The following RANBP2 variants were observed in gnomAD, a reference collection of about 807,000 sequenced individuals.
RANBP2 encodes the protein E3 SUMO-protein ligase RanBP2.
RANBP2 carries 57 observed loss-of-function variants against 303.6 expected under a neutral mutation model. The observed-to-expected ratio is 0.19, with a 90% CI of 0.15 to 0.23. RANBP2 has a LOEUF of 0.23. Among genes scored for constraint, RANBP2 ranks in the 10% least tolerant of loss-of-function variants. The pLI is 1.00. For missense variants in RANBP2, 3,138 were observed against 3,780.8 expected, an observed-to-expected ratio of 0.83 and a Z score of 4.46; for synonymous variants, 1,167 against 1,301.5, an observed-to-expected ratio of 0.90 and a Z score of 2.23.
chr2:108,786,871 A>G, downstream of RANBP2: 1 of 1,579,892 alleles, frequency 6.3e-7, no homozygotes, highest in East Asian at 2.4e-5. Flanking sequence ...AGTAGTGGAG[A>G]GTCTCAAAAG....
At chr2:109,016,326 G>A in the RANBP2 span, among the ~76,000 whole-genome samples, 25 of 151,870 alleles carry the variant, frequency 1.6e-4, no homozygotes, top group East Asian at 1.6e-3. Flanking sequence ...CTGACCTCAC[G>A]TCTGCCTGCC....
the RANBP2 span, among the ~76,000 whole-genome samples, chr2:108,965,963 G>A: frequency 3.9e-5 from 6 of 151,946 alleles, no homozygotes; most frequent in Non-Finnish European, 7.4e-5. Context: ...AATTAAATTC[G>A]GTTATAAAAT....
In RANBP2 at chr2:108,772,827, T is replaced by C. The variant is rs1243412550; in HGVS notation, c.8114-41T>C. 8 of 1,596,764 alleles carry C rather than the reference T, an allele frequency of 5.0e-6. No individual in the cohort carries two copies. In the Middle Eastern group the frequency reaches 5.3e-4, roughly 105 times the overall value. On this transcript the variant is annotated intron_variant, in intron 22 of 28. Transcript: ENST00000283195. Reference sequence around the variant, plus strand: ...TACCATTGTTGTAGAGAAGTTGGGCTTCATCTAATTTCGTTTGCTTGTGTT... The same window carrying C: ...TACCATTGTTGTAGAGAAGTTGGGCCTCATCTAATTTCGTTTGCTTGTGTT...
the RANBP2 span, chr2:108,791,529 T>C: frequency 4.3e-6 from 4 of 930,262 alleles, no homozygotes; most frequent in South Asian, 5.4e-5. Context: ...TTACGTTTTT[T>C]CTTTTTACAT....
chr2:109,505,802 G>A, the RANBP2 span, among the ~76,000 whole-genome samples: 1 of 152,146 alleles, frequency 6.6e-6, no homozygotes, highest in Non-Finnish European at 1.5e-5. Context: ...CAAAAGCTGG[G>A]TGCCAAACCT....
At chr2:109,437,801 T>C in the RANBP2 span, among the ~76,000 whole-genome samples, 5 of 152,224 alleles carry the variant, frequency 3.3e-5, no homozygotes, top group African/African-American at 1.2e-4. Context: ...ATAAAGAAGG[T>C]AAGCACATCT....
the RANBP2 span, among the ~76,000 whole-genome samples, chr2:109,346,301 G>T: frequency 6.6e-6 from 1 of 152,138 alleles, no homozygotes; most frequent in Non-Finnish European, 1.5e-5. Context: ...GTCGTTTGAC[G>T]TTGCTGAAAC....
the RANBP2 span, among the ~76,000 whole-genome samples, chr2:109,694,984 C>G: frequency 6.6e-6 from 1 of 152,102 alleles, no homozygotes; most frequent in African/African-American, 2.4e-5. Flanking sequence ...CTTTCCCAGT[C>G]TGTTTTCTCC....
chr2:109,606,434 T>A, the RANBP2 span, among the ~76,000 whole-genome samples: 1 of 151,944 alleles, frequency 6.6e-6, no homozygotes, highest in Non-Finnish European at 1.5e-5. Flanking sequence ...AAATAAAAAA[T>A]AAAATGTGAT....
At chr2:109,129,256 G>C in the RANBP2 span, 1 of 588,110 alleles carries the variant, frequency 1.7e-6, no homozygotes, top group South Asian at 1.7e-5. Flanking sequence ...CCCCGCGCGG[G>C]GCGGACTTGC....
At chr2:108,964,166 C>T in the RANBP2 span, among the ~76,000 whole-genome samples, 3 of 152,204 alleles carry the variant, frequency 2.0e-5, no homozygotes, top group South Asian at 6.2e-4. Context: ...TCAGATCCCT[C>T]CCACCTCCTG....
At chr2:108,871,548 G>A in the RANBP2 span, among the ~76,000 whole-genome samples, 5 of 151,768 alleles carry the variant, frequency 3.3e-5, no homozygotes, top group Non-Finnish European at 5.9e-5. Flanking sequence ...CAAGACTTTA[G>A]CTCCAAAAAA....
the RANBP2 span, among the ~76,000 whole-genome samples, chr2:108,941,756 G>A: frequency 1.5e-4 from 23 of 152,318 alleles, no homozygotes; most frequent in Non-Finnish European, 2.2e-4. Context: ...TATTATGCTC[G>A]CACACAGAAT....
the RANBP2 span, among the ~76,000 whole-genome samples, chr2:109,245,145 T>C: frequency 1.1e-4 from 16 of 152,228 alleles, no homozygotes; most frequent in Non-Finnish European, 4.4e-5. Flanking sequence ...CACGGGAAGC[T>C]CCCCTGCTGG....
At chr2:109,415,612 G>A in the RANBP2 span, among the ~76,000 whole-genome samples, 1 of 152,144 alleles carries the variant, frequency 6.6e-6, no homozygotes, top group Non-Finnish European at 1.5e-5. Flanking sequence ...GGCTGTGGCT[G>A]CCTTCTCCCT....
chr2:109,281,716 A>G, the RANBP2 span, among the ~76,000 whole-genome samples: 4 of 152,264 alleles, frequency 2.6e-5, no homozygotes, highest in African/African-American at 9.6e-5. Context: ...AAGAGTCCGT[A>G]TCTGATTTCC....
chr2:109,113,185 C>A, the RANBP2 span, among the ~76,000 whole-genome samples: 1 of 152,048 alleles, frequency 6.6e-6, no homozygotes, highest in Non-Finnish European at 1.5e-5. Flanking sequence ...TCATTGGTAG[C>A]TTGATGGGGA....
the RANBP2 span, among the ~76,000 whole-genome samples, chr2:109,599,949 A>G: frequency 1.3e-5 from 2 of 152,214 alleles, no homozygotes; most frequent in Admixed American, 6.6e-5. Context: ...CTCTCATGGC[A>G]GCCAAACAGG....
the RANBP2 span, among the ~76,000 whole-genome samples, chr2:109,728,515 G>A: frequency 4.0e-5 from 6 of 151,378 alleles, no homozygotes; most frequent in African/African-American, 1.5e-4. Flanking sequence ...GAGTACAGTG[G>A]CACGATCTTG....
Sources: allele counts gnomAD v4.1 joint callset (sites outside exome capture counted in the v4.1 genomes callset), GRCh38; gene constraint gnomAD v4.1.1; transcripts MANE v1.5; gene names NCBI Gene and HGNC (gene_info 2026-07-23, HGNC 2026-07-21).